The following SYK variants were observed in gnomAD, a reference collection of about 807,000 sequenced individuals.
SYK encodes tyrosine-protein kinase SYK.
In SYK, 16 loss-of-function variants were observed where a neutral mutation model predicts 77.8. The ratio of observed to expected loss-of-function variants is 0.21; its 90% CI spans 0.14 to 0.31. SYK has a LOEUF of 0.31. Among genes scored for constraint, SYK ranks in the 10% least tolerant of loss-of-function variants. The probability of loss-of-function intolerance (pLI) is 1.00; values close to 1 mark genes in which losing one functional copy is unlikely to be tolerated. For missense variants in SYK, 529 were observed against 814.4 expected (o/e 0.65, Z 4.26); for synonymous variants, 312 against 308.7 (o/e 1.01, Z -0.11).
At chr9:90,804,123 C>T (rs991637104) in intron 1 of SYK, among the ~76,000 whole-genome samples, 3 of 152,036 alleles carry the variant, frequency 2.0e-5, no homozygotes, top group Non-Finnish European at 4.4e-5. Context: ...AAGGAAAGTG[C>T]ATTTATGTTG....
In SYK at chr9:90,877,616, T is replaced by C. The variant is rs780810343; in HGVS notation, c.1227T>C (p.Asn409=). Residue 409 remains asparagine, a synonymous_variant, in exon 10 of 14, where the codon AAT becomes AAC. Transcript: ENST00000375754. ...VAVKILKNEA[N]DPALKDELLA... is the part of the protein sequence containing the mutation. ...TGAAAATACTGAAAAACGAGGCCAATGACCCCGCTCTTAAAGATGAGTTAT... is the reference window on the plus strand; with the variant it reads ...TGAAAATACTGAAAAACGAGGCCAACGACCCCGCTCTTAAAGATGAGTTAT... 1 of 1,614,124 alleles carries C rather than the reference T, an allele frequency of 6.2e-7. No individual in the cohort carries two copies. Among genetic ancestry groups the C allele is most frequent in the African/African-American group, 1.3e-5 (1 of 74,946 alleles).
chr9:90,829,761 G>A (rs951069937), intron 1 of SYK, among the ~76,000 whole-genome samples: 1 of 152,238 alleles, frequency 6.6e-6, no homozygotes, highest in Admixed American at 6.5e-5. Context: ...AAATGCACCA[G>A]ATGGGCTGGT....
At chr9:90,850,786 A>AG (rs1564093927) in intron 3 of SYK, among the ~76,000 whole-genome samples, 2 of 151,486 alleles carry the variant, frequency 1.3e-5, no homozygotes, top group Non-Finnish European at 2.9e-5. Context: ...AAAAAAAAAA[A>AG]GAATTCCTGA....
chr9:90,888,548 G>C lies in SYK; in HGVS notation c.1756G>C (p.Glu586Gln). ...MKGSEVTAML[E>Q]KGERMGCPAG... ...AGGAAGTGAAGTCACCGCTATGTTA[G>C]AGAAAGGAGAGCGGATGGGGTGCCC... is the stretch of plus-strand genomic sequence containing the variant. Residue 586 changes from glutamate (E) to glutamine (Q), a missense_variant, in exon 13 of 14, where the codon GAG becomes CAG. By Grantham distance (29) the Glu-to-Gln change is conservative (BLOSUM62 2). Coordinates refer to ENST00000375754, the MANE Select transcript of SYK (RefSeq NM_003177.7). 1 of 1,613,150 alleles carries C rather than the reference G, an allele frequency of 6.2e-7. No individual in the cohort carries two copies. The highest frequency in any genetic ancestry group is 8.5e-7 in the Non-Finnish European group (1 of 1,179,710).
intron 1 of SYK, among the ~76,000 whole-genome samples, chr9:90,809,730 C>T (rs549905996): frequency 7.9e-5 from 12 of 152,294 alleles, no homozygotes; most frequent in Non-Finnish European, 1.6e-4. Flanking sequence ...ACTAGAGCCT[C>T]GTGGAAAGTG....
rs1828977959 is a variant in SYK, at chr9:90,896,203, G to GAAAGA, written c.*606_*607insGAAAA. 6.0e-6 allele frequency: 1 copy of GAAAGA among 166,164 alleles called. No individual in the cohort carries two copies. Among genetic ancestry groups the GAAAGA allele is most frequent in the South Asian group, 2.2e-4 (1 of 4,632 alleles). The allele number at this position is 166,164 out of a possible 1,614,324, so 10.3% of individuals were successfully genotyped here. On this transcript the variant is annotated 3_prime_UTR_variant, in exon 14 of 14. Transcript: ENST00000375754. ...GTAGCCAGTTAAGGAAAGAAAGAAA[G>GAAAGA]AAAAAAAAAAAAGGCCTGGATACTG... is the stretch of plus-strand genomic sequence containing the variant.
chr9:90,841,016 T>C (rs1826290488), intron 1 of SYK, among the ~76,000 whole-genome samples: 1 of 152,088 alleles, frequency 6.6e-6, no homozygotes, highest in Admixed American at 6.6e-5. Context: ...GTGGTGTGCT[T>C]CATGTGTGTG....
At chr9:90,842,866 C>T (rs1264537280) in intron 1 of SYK, among the ~76,000 whole-genome samples, 3 of 151,908 alleles carry the variant, frequency 2.0e-5, no homozygotes, top group Non-Finnish European at 2.9e-5. Context: ...TTTCCATTCA[C>T]GACCAGCCCC....
In SYK at chr9:90,810,186, G is replaced by A. The variant is rs151167764; in HGVS notation, c.-42+8293G>A. 1.0e-3 allele frequency among the ~76,000 whole-genome samples: 159 copies of A among 152,152 alleles called. 1 individual carries two copies. The highest frequency in any genetic ancestry group is 3.7e-3 in the African/African-American group (154 of 41,516). On this transcript the variant is annotated intron_variant, in intron 1 of 13. Transcript: ENST00000375754. ...AACGGCTTGAACAGCCCAATGTGTC[G>A]CCTCCCAACTCTGAGCCAAAGAGAC... is the stretch of plus-strand genomic sequence containing the variant.
intron 1 of SYK, among the ~76,000 whole-genome samples, chr9:90,837,310 A>G (rs1265035173): frequency 6.6e-6 from 1 of 151,986 alleles, no homozygotes; most frequent in Admixed American, 6.6e-5. Flanking sequence ...AAATCTCCAG[A>G]CCTTTGGGGC....
intron 1 of SYK, among the ~76,000 whole-genome samples, chr9:90,816,771 A>G (rs1217031906): frequency 1.3e-5 from 2 of 152,240 alleles, no homozygotes; most frequent in Non-Finnish European, 2.9e-5. Flanking sequence ...TAGATTCCAC[A>G]TATGAGTGAG....
chr9:90,821,466 GGAAACCCCT>G (rs1229685593), intron 1 of SYK, among the ~76,000 whole-genome samples: 3 of 152,162 alleles, frequency 2.0e-5, no homozygotes, highest in Admixed American at 1.3e-4. Flanking sequence ...AAGCAAAAGT[GGAAACCCCT>G]GATAAACCCA....
At chr9:90,843,472 A>G (rs773749193) in intron 1 of SYK, among the ~76,000 whole-genome samples, 1 of 152,094 alleles carries the variant, frequency 6.6e-6, no homozygotes, top group East Asian at 1.9e-4. Flanking sequence ...GTTTGTTCTC[A>G]TGTAGATTCT....
At chr9:90,873,143 T>C (rs1215622601) in intron 7 of SYK, among the ~76,000 whole-genome samples, 1 of 152,236 alleles carries the variant, frequency 6.6e-6, no homozygotes, top group Admixed American at 6.5e-5. Flanking sequence ...ATTATTCTGC[T>C]TTTGGTTTCT....
At chr9:90,858,139 G>A (rs1423059614) in intron 3 of SYK, among the ~76,000 whole-genome samples, 2 of 152,158 alleles carry the variant, frequency 1.3e-5, no homozygotes, top group Non-Finnish European at 2.9e-5. Flanking sequence ...CCCCTAGGAG[G>A]GTGCAGGAGA....
chr9:90,889,823 G>T (rs1828721035), intron 13 of SYK, among the ~76,000 whole-genome samples: 1 of 152,220 alleles, frequency 6.6e-6, no homozygotes. Context: ...CTAAGTCTTG[G>T]CTTAATTCTC....
chr9:90,816,423 T>G (rs142529299), intron 1 of SYK, among the ~76,000 whole-genome samples: 1 of 152,222 alleles, frequency 6.6e-6, no homozygotes, highest in African/African-American at 2.4e-5. Context: ...ATGCCTCTGG[T>G]TGGACACGTC....
At chr9:90,857,701 C>T (rs1022766952) in intron 3 of SYK, among the ~76,000 whole-genome samples, 1 of 152,232 alleles carries the variant, frequency 6.6e-6, no homozygotes, top group Non-Finnish European at 1.5e-5. Flanking sequence ...ACCTCATTCG[C>T]TCCCACATCC....
chr9:90,896,790 G>C lies in SYK; in HGVS notation c.*1190G>C, dbSNP rs200684900. 4.5e-6 allele frequency: 1 copy of C among 221,538 alleles called. No homozygotes were observed. Among genetic ancestry groups the C allele is most frequent in the African/African-American group, 2.2e-5 (1 of 44,678 alleles). The allele number at this position is 221,538 out of a possible 1,614,324, so 13.7% of individuals were successfully genotyped here. A position where few individuals can be genotyped will look rare whatever the true frequency, so the allele number is the denominator to read the frequency against. The stretch of plus-strand genomic sequence containing the variant: ...AAGAGACATCTCAGCACTTTAGGAG[G>C]CCGAGGCGGGTGGATCACTTGAGGT... On this transcript the variant is annotated 3_prime_UTR_variant, in exon 14 of 14. Transcript: ENST00000375754.
Sources: allele counts gnomAD v4.1 joint callset (sites outside exome capture counted in the v4.1 genomes callset), GRCh38; gene constraint gnomAD v4.1.1; transcripts MANE v1.5; gene names NCBI Gene and HGNC (gene_info 2026-07-23, HGNC 2026-07-21).